TNS3: variants seen among roughly 807,000 people sequenced by gnomAD.
TNS3 encodes the protein tensin 3.
In TNS3, 45 loss-of-function variants were observed where a neutral mutation model predicts 140.9. The observed-to-expected ratio is 0.32, with a 90% CI of 0.25 to 0.41. The LOEUF (loss-of-function observed/expected upper bound fraction) is 0.41, where lower values mean the gene tolerates loss of function less well. TNS3 is among the 10% of genes least tolerant of loss of function. TNS3 has a pLI of 1.00. For missense variants in TNS3, 1,716 were observed against 1,906.7 expected, an observed-to-expected ratio of 0.90 and a Z score of 1.86; for synonymous variants, 815 against 788.4, an observed-to-expected ratio of 1.03 and a Z score of -0.56.
chr7:47,361,546 T>C (rs1417250837), intron 17 of TNS3, among the ~76,000 whole-genome samples: 11 of 152,220 alleles, frequency 7.2e-5, no homozygotes, highest in Non-Finnish European at 7.3e-5. Context: ...GTGAGCCTTC[T>C]GCCACGGAAT....
intron 18 of TNS3, among the ~76,000 whole-genome samples, 191 bp downstream of exon 18, chr7:47,345,996 C>T (rs980580648): frequency 2.0e-5 from 3 of 152,316 alleles, no homozygotes; most frequent in Admixed American, 1.3e-4. Flanking sequence ...CTGTGCTCTC[C>T]CAGCCACACC....
chr7:47,391,678 GA>G (rs1383454032), intron 16 of TNS3, among the ~76,000 whole-genome samples: 3 of 152,206 alleles, frequency 2.0e-5, no homozygotes, highest in Non-Finnish European at 4.4e-5. Context: ...GTACTGTGGG[GA>G]CAATCCTGGT....
intron 20 of TNS3, among the ~76,000 whole-genome samples, chr7:47,341,032 T>C (rs1206233417): frequency 1.3e-5 from 2 of 152,216 alleles, no homozygotes. Context: ...CCTGTTAGTA[T>C]AGTGTATTAC....
chr7:47,482,559 GA>G, intron 3 of TNS3, among the ~76,000 whole-genome samples: 1 of 152,218 alleles, frequency 6.6e-6, no homozygotes, highest in Non-Finnish European at 1.5e-5. Context: ...CGGACAAGGA[GA>G]CCCCATGGTT....
chr7:47,300,073 T>A (rs567895875), intron 23 of TNS3, among the ~76,000 whole-genome samples: 1 of 152,252 alleles, frequency 6.6e-6, no homozygotes, highest in African/African-American at 2.4e-5. Context: ...GAATTAAGTA[T>A]GTGACAAATT....
chr7:47,280,124 G>T, intron 30 of TNS3, 40 bp downstream of exon 30: 1 of 1,612,692 alleles, frequency 6.2e-7, no homozygotes, highest in Non-Finnish European at 8.5e-7. Flanking sequence ...GAGTACAACT[G>T]CAGACAAGGA....
Position 47,283,967 on chromosome 7 carries a change from C to A in TNS3, c.3929-102G>T, listed in dbSNP as rs1250516463. The A allele has an allele frequency of 6.1e-6, 7 of 1,151,462 alleles. No homozygotes were observed. In the Admixed American group the frequency reaches 1.9e-4, roughly 31 times the overall value. 71.3% of individuals were successfully genotyped at this position (1,151,462 alleles called of 1,614,324 possible). A position where few individuals can be genotyped will look rare whatever the true frequency, so the allele number is the denominator to read the frequency against. On this transcript the variant is annotated intron_variant, in intron 27 of 30. Transcript: ENST00000311160. ...CTGATGTGCAGACTGGGTTTATGAA[C>A]AACTTGCGCATGTGGCCTATGCTGG...
chr7:47,497,839 C>T (rs1218980414), intron 3 of TNS3, among the ~76,000 whole-genome samples: 6 of 152,324 alleles, frequency 3.9e-5, no homozygotes, highest in Middle Eastern at 3.4e-3. Flanking sequence ...GGGCTCCCCA[C>T]CCTGGTCTAT....
chr7:47,369,566 TTTC>T lies in TNS3; in HGVS notation c.1077_1079del (p.Lys360del). On this transcript the variant is annotated inframe_deletion, in exon 17 of 31. Transcript: ENST00000311160. Reference sequence around the variant, plus strand: ...CTGGGATGCCAGGATCCGAGGAGCTTTTCTTCCTCACCTTCGCGTAAAGGCTGC... The same window carrying T: ...CTGGGATGCCAGGATCCGAGGAGCTTTTCCTCACCTTCGCGTAAAGGCTGC... The T allele has an allele frequency of 6.2e-7, 1 of 1,610,628 alleles. No individual in the cohort carries two copies. The highest frequency in any genetic ancestry group is 1.3e-5 in the African/African-American group (1 of 74,912).
At chr7:47,423,814 T>C (rs1250887423) in intron 10 of TNS3, among the ~76,000 whole-genome samples, 1 of 152,128 alleles carries the variant, frequency 6.6e-6, no homozygotes, top group Admixed American at 6.6e-5. Context: ...AAATCAAAAC[T>C]CACTCACTGC....
intron 3 of TNS3, among the ~76,000 whole-genome samples, chr7:47,486,107 TG>T (rs2151809142): frequency 6.6e-6 from 1 of 152,030 alleles, no homozygotes; most frequent in South Asian, 2.1e-4. Flanking sequence ...TGTCTGTGTT[TG>T]ACTAGGTATA....
chr7:47,307,902 G>A (rs1309359160), intron 20 of TNS3, among the ~76,000 whole-genome samples: 9 of 152,050 alleles, frequency 5.9e-5, no homozygotes, highest in Admixed American at 5.9e-4. Context: ...TGTTGCCTGT[G>A]CATATATTCA....
chr7:47,553,205 AATGTAGAAGCTG>A (rs1800107771), intron 1 of TNS3, among the ~76,000 whole-genome samples: 1 of 152,244 alleles, frequency 6.6e-6, no homozygotes, highest in Non-Finnish European at 1.5e-5. Flanking sequence ...AGCAAGTACT[AATGTAGAAGCTG>A]CCGCAAGTTA....
chr7:47,283,575 G>T (rs1320304438), intron 28 of TNS3, 122 bp downstream of exon 28: 5 of 891,178 alleles, frequency 5.6e-6, no homozygotes, highest in Non-Finnish European at 7.6e-6. Context: ...GACCCTGGGT[G>T]ACTCATGACC....
chr7:47,533,453 G>A (rs1311630649), intron 1 of TNS3, among the ~76,000 whole-genome samples: 8 of 148,762 alleles, frequency 5.4e-5, no homozygotes, highest in Admixed American at 4.0e-4. Flanking sequence ...AAAAGACAAA[G>A]GCTAGAAAAA....
chr7:47,554,725 A>G (rs889450633), intron 1 of TNS3, among the ~76,000 whole-genome samples: 10 of 152,188 alleles, frequency 6.6e-5, no homozygotes, highest in Non-Finnish European at 1.3e-4. Flanking sequence ...TAAGCAAAGA[A>G]AGTGGTTTCT....
chr7:47,287,561 C>T (rs531168560), intron 27 of TNS3, among the ~76,000 whole-genome samples: 1 of 152,280 alleles, frequency 6.6e-6, no homozygotes, highest in South Asian at 2.1e-4. Flanking sequence ...TGCAATAATT[C>T]CACCGTCTTG....
intron 4 of TNS3, chr7:47,453,113 G>A: frequency 6.1e-6 from 6 of 985,660 alleles, no homozygotes; most frequent in Non-Finnish European, 7.2e-6. Flanking sequence ...AGAGCCTGGT[G>A]AGTGTGGGAG....
At chr7:47,546,333 C>T (rs1799920685) in intron 1 of TNS3, among the ~76,000 whole-genome samples, 1 of 152,158 alleles carries the variant, frequency 6.6e-6, no homozygotes, top group African/African-American at 2.4e-5. Flanking sequence ...ACACAGTCAC[C>T]GCACAGCAGC....
Sources: gnomAD v4.1 joint callset for allele counts (sites outside exome capture counted in the v4.1 genomes callset) on GRCh38, gnomAD v4.1.1 for gene constraint, MANE v1.5 for transcripts, NCBI Gene and HGNC (gene_info 2026-07-23, HGNC 2026-07-21) for gene names.